The following NBAS variants were observed in gnomAD, a reference collection of about 807,000 sequenced individuals.
NBAS encodes the protein NAG/BC035112 fusion.
Under a neutral mutation model 302.5 loss-of-function variants are expected in NBAS, and 219 were observed. The ratio of observed to expected loss-of-function variants is 0.72; its 90% CI spans 0.65 to 0.81. The LOEUF is 0.81. Among genes scored for constraint, NBAS ranks in the 30% least tolerant of loss-of-function variants. The probability of loss-of-function intolerance (pLI) is 0.00; values close to 1 mark genes in which losing one functional copy is unlikely to be tolerated. For synonymous variants in NBAS, 1,118 were observed against 1,021.6 expected, an observed-to-expected ratio of 1.09 and a Z score of -1.80; for missense variants, 2,932 against 2,841.6, an observed-to-expected ratio of 1.03 and a Z score of -0.72.
At chr2:15,425,687 C>T (rs1227721751) in intron 22 of NBAS, among the ~76,000 whole-genome samples, 1 of 152,128 alleles carries the variant, frequency 6.6e-6, no homozygotes, top group Non-Finnish European at 1.5e-5. Context: ...AGGGATTTCC[C>T]CCCAGCTCTG....
chr2:15,329,586 G>A (rs1449103247), intron 36 of NBAS, among the ~76,000 whole-genome samples: 2 of 152,044 alleles, frequency 1.3e-5, no homozygotes. Flanking sequence ...ATCTATAGTC[G>A]TTATCACAGT....
At chr2:15,387,145 G>A (rs1170465874) in intron 28 of NBAS, among the ~76,000 whole-genome samples, 1 of 147,774 alleles carries the variant, frequency 6.8e-6, no homozygotes, top group Admixed American at 6.9e-5. Flanking sequence ...TCAGCTCATT[G>A]CAAGCTCTGC....
At chr2:15,443,496 C>T (rs924515432) in intron 21 of NBAS, among the ~76,000 whole-genome samples, 21 of 151,614 alleles carry the variant, frequency 1.4e-4, no homozygotes, top group South Asian at 2.1e-4. Flanking sequence ...ATTGATGGGA[C>T]GTATCTCAAA....
chr2:14,940,344 C>T, the NBAS span, among the ~76,000 whole-genome samples: 1 of 152,194 alleles, frequency 6.6e-6, no homozygotes, highest in African/African-American at 2.4e-5. Context: ...CACCTCCCCT[C>T]TCTTTTCCTC....
chr2:15,143,562 C>T, the NBAS span, among the ~76,000 whole-genome samples: 1 of 152,164 alleles, frequency 6.6e-6, no homozygotes, highest in African/African-American at 2.4e-5. Flanking sequence ...TCGTCCTGCC[C>T]TTAGAGCCAA....
chr2:15,039,579 AGAT>A, the NBAS span, among the ~76,000 whole-genome samples: 1 of 152,212 alleles, frequency 6.6e-6, no homozygotes, highest in Non-Finnish European at 1.5e-5. Flanking sequence ...AGGAGCTTTT[AGAT>A]AAGCATTTTG....
At chr2:15,111,203 T>C in the NBAS span, among the ~76,000 whole-genome samples, 2 of 152,042 alleles carry the variant, frequency 1.3e-5, no homozygotes, top group African/African-American at 2.4e-5. Flanking sequence ...TGGAATGTAG[T>C]ATAAGATTTT....
intron 48 of NBAS, among the ~76,000 whole-genome samples, chr2:15,199,831 C>G (rs1312779872): frequency 1.3e-5 from 2 of 148,402 alleles, no homozygotes; most frequent in African/African-American, 2.5e-5. Flanking sequence ...AGTAGGCACA[C>G]AGGAAATGAT....
intron 48 of NBAS, among the ~76,000 whole-genome samples, chr2:15,214,074 T>G (rs1217884542): frequency 1.3e-5 from 2 of 152,228 alleles, no homozygotes; most frequent in Non-Finnish European, 2.9e-5. Context: ...CAAATCATTT[T>G]GCTTGCATGT....
the NBAS span, among the ~76,000 whole-genome samples, chr2:15,076,837 A>G: frequency 6.6e-6 from 1 of 152,232 alleles, no homozygotes. Context: ...GGAATGGAGC[A>G]ATATTTCACA....
chr2:15,238,400 A>T, intron 45 of NBAS, 68 bp downstream of exon 45: 1 of 1,495,192 alleles, frequency 6.7e-7, no homozygotes, highest in South Asian at 1.2e-5. Context: ...CGACTAATGT[A>T]ACTTTCAAGG....
chr2:14,822,220 AT>A, the NBAS span, among the ~76,000 whole-genome samples: 1 of 151,922 alleles, frequency 6.6e-6, no homozygotes, highest in Non-Finnish European at 1.5e-5. Flanking sequence ...TTTGTCCTCC[AT>A]TTTTTTCTTG....
At chr2:15,466,657 G>A (rs999098033) in intron 19 of NBAS, among the ~76,000 whole-genome samples, 1 of 152,064 alleles carries the variant, frequency 6.6e-6, no homozygotes, top group African/African-American at 2.4e-5. Flanking sequence ...ATTAAAATAC[G>A]CCAGGCATAG....
intron 9 of NBAS, among the ~76,000 whole-genome samples, chr2:15,519,548 G>A (rs1019507155): frequency 5.9e-5 from 9 of 152,048 alleles, no homozygotes; most frequent in Middle Eastern, 3.4e-3. Context: ...AGTGATCTTC[G>A]CACCCTCAGC....
the NBAS span, among the ~76,000 whole-genome samples, chr2:15,018,946 A>C: frequency 7.7e-4 from 118 of 152,338 alleles, no homozygotes; most frequent in African/African-American, 2.8e-3. Context: ...TTCATGCAAG[A>C]AACTGCAGCC....
At chr2:15,464,319 C>A (rs1679632981) in intron 19 of NBAS, among the ~76,000 whole-genome samples, 1 of 152,082 alleles carries the variant, frequency 6.6e-6, no homozygotes, top group African/African-American at 2.4e-5. Context: ...GAAAACCTTG[C>A]CTTTTTTGGA....
chr2:14,907,048 T>A, the NBAS span, among the ~76,000 whole-genome samples: 1 of 152,176 alleles, frequency 6.6e-6, no homozygotes, highest in African/African-American at 2.4e-5. Flanking sequence ...GGGAATGAAA[T>A]TAAAATGTCA....
intron 11 of NBAS, among the ~76,000 whole-genome samples, chr2:15,494,853 T>G (rs1681006335): frequency 6.6e-6 from 1 of 152,168 alleles, no homozygotes; most frequent in Non-Finnish European, 1.5e-5. Flanking sequence ...GCACCTCCAC[T>G]TGAAATCTTC....
chr2:15,025,367 G>A, the NBAS span, among the ~76,000 whole-genome samples: 1,152 of 152,242 alleles, frequency 7.6e-3, 60 homozygotes, highest in East Asian at 0.15. Flanking sequence ...GGTTACCATT[G>A]CCTTGCAGTA....
Sources: allele counts gnomAD v4.1 joint callset (sites outside exome capture counted in the v4.1 genomes callset), GRCh38; gene constraint gnomAD v4.1.1; transcripts MANE v1.5; gene names NCBI Gene and HGNC (gene_info 2026-07-23, HGNC 2026-07-21).